The following RANBP2 variants were observed in gnomAD, a reference collection of about 807,000 sequenced individuals.
RANBP2 encodes the protein E3 SUMO-protein ligase RanBP2.
RANBP2 carries 57 observed loss-of-function variants against 303.6 expected under a neutral mutation model. That is an observed-to-expected ratio of 0.19 (90% CI 0.15 to 0.23). The LOEUF (loss-of-function observed/expected upper bound fraction) is 0.23, where lower values mean the gene tolerates loss of function less well. RANBP2 is among the 10% of genes least tolerant of loss of function. RANBP2 has a pLI of 1.00. For synonymous variants in RANBP2, 1,167 were observed against 1,301.5 expected (o/e 0.90, Z 2.23); for missense variants, 3,138 against 3,780.8 (o/e 0.83, Z 4.46).
chr2:108,854,738 C>CCT, the RANBP2 span, among the ~76,000 whole-genome samples: 2 of 152,104 alleles, frequency 1.3e-5, no homozygotes, highest in Non-Finnish European at 2.9e-5. Context: ...TCTTTCTTGG[C>CCT]CTCTCTCCAG....
the RANBP2 span, among the ~76,000 whole-genome samples, chr2:109,117,139 G>A: frequency 6.6e-6 from 1 of 152,228 alleles, no homozygotes; most frequent in Non-Finnish European, 1.5e-5. Context: ...GCTGCATGCT[G>A]GGAGAACCAC....
the RANBP2 span, among the ~76,000 whole-genome samples, chr2:109,027,976 TA>T: frequency 9.3e-4 from 141 of 152,278 alleles, no homozygotes; most frequent in African/African-American, 3.3e-3. Flanking sequence ...TGGTACTGTT[TA>T]AAAACATACT....
chr2:108,986,989 C>T, the RANBP2 span, among the ~76,000 whole-genome samples: 2 of 152,086 alleles, frequency 1.3e-5, no homozygotes, highest in African/African-American at 2.4e-5. Flanking sequence ...ATCAAAGGAA[C>T]GAGCAGGCAG....
chr2:109,606,672 CTTTTTTTTT>C, the RANBP2 span, among the ~76,000 whole-genome samples: 5 of 71,910 alleles, frequency 7.0e-5, no homozygotes, highest in African/African-American at 2.2e-4. Flanking sequence ...AAATTTTAAG[CTTTTTTTTT>C]TTTTTTTTTT....
chr2:109,294,043 C>T, the RANBP2 span, among the ~76,000 whole-genome samples: 7 of 152,310 alleles, frequency 4.6e-5, no homozygotes, highest in Non-Finnish European at 8.8e-5. Flanking sequence ...ATGGTCTTTT[C>T]TCTGCCTGGA....
the RANBP2 span, among the ~76,000 whole-genome samples, chr2:109,003,016 G>C: frequency 6.6e-6 from 1 of 151,874 alleles, no homozygotes; most frequent in Non-Finnish European, 1.5e-5. Context: ...GACCATCCTG[G>C]CCAATATGGT....
the RANBP2 span, chr2:108,815,923 T>G: frequency 1.3e-6 from 2 of 1,578,458 alleles, no homozygotes; most frequent in South Asian, 2.3e-5. Context: ...AATAAATGAT[T>G]TAATTTTTGA....
chr2:109,688,781 TAAAAAAA>T, the RANBP2 span, among the ~76,000 whole-genome samples: 7 of 43,740 alleles, frequency 1.6e-4, no homozygotes, highest in African/African-American at 3.4e-4. Context: ...TCTGTCTCAA[TAAAAAAA>T]AAAAAAAAAA....
chr2:109,454,150 T>A, the RANBP2 span, among the ~76,000 whole-genome samples: 2 of 152,250 alleles, frequency 1.3e-5, no homozygotes, highest in Non-Finnish European at 2.9e-5. Context: ...CTGCTTAATA[T>A]ACACATTCAC....
chr2:108,929,469 A>G, the RANBP2 span: 1 of 1,364,606 alleles, frequency 7.3e-7, no homozygotes, highest in Non-Finnish European at 1.0e-6. Flanking sequence ...GTGACGTGCC[A>G]GCTGTCTCCA....
the RANBP2 span, among the ~76,000 whole-genome samples, chr2:109,410,942 C>T: frequency 6.6e-6 from 1 of 152,184 alleles, no homozygotes; most frequent in African/African-American, 2.4e-5. Flanking sequence ...GGAGCTCTTT[C>T]TCTTTTCTTG....
chr2:109,401,606 A>G, the RANBP2 span, among the ~76,000 whole-genome samples: 1 of 152,206 alleles, frequency 6.6e-6, no homozygotes. Flanking sequence ...AGGAGCCCAC[A>G]GGGCCCATGA....
chr2:109,571,552 T>C, the RANBP2 span, among the ~76,000 whole-genome samples: 1 of 152,172 alleles, frequency 6.6e-6, no homozygotes, highest in African/African-American at 2.4e-5. Flanking sequence ...TCTAAACATA[T>C]CTAAACACAG....
the RANBP2 span, among the ~76,000 whole-genome samples, chr2:109,430,386 T>C: frequency 7.2e-5 from 11 of 152,188 alleles, no homozygotes; most frequent in Admixed American, 3.3e-4. Context: ...AAGTCCTCCC[T>C]GCACTCTTCC....
the RANBP2 span, among the ~76,000 whole-genome samples, chr2:109,537,574 C>T: frequency 6.6e-6 from 1 of 150,686 alleles, no homozygotes; most frequent in Non-Finnish European, 1.5e-5. Context: ...TTTTTTTTAA[C>T]GTGTTCTTGG....
the RANBP2 span, among the ~76,000 whole-genome samples, chr2:109,701,125 CCCCTTGTGCAGAGGCA>C: frequency 1.8e-4 from 28 of 152,196 alleles, no homozygotes; most frequent in African/African-American, 6.3e-4. Context: ...GAAGATCTGT[CCCCTTGTGCAGAGGCA>C]GCATGCAAGC....
chr2:109,243,153 G>A, the RANBP2 span, among the ~76,000 whole-genome samples: 1 of 152,256 alleles, frequency 6.6e-6, no homozygotes, highest in Non-Finnish European at 1.5e-5. Context: ...ATTGCCTTGT[G>A]CAGGTGTCTT....
At chr2:108,876,046 CTAAGTA>C in the RANBP2 span, 1 of 1,326,380 alleles carries the variant, frequency 7.5e-7, no homozygotes, top group Non-Finnish European at 1.1e-6. Context: ...GATAAACTCT[CTAAGTA>C]TGTGTAATTA....
chr2:109,763,541 C>T, the RANBP2 span, among the ~76,000 whole-genome samples: 1 of 150,060 alleles, frequency 6.7e-6, no homozygotes, highest in East Asian at 2.1e-4. Context: ...CCTCGATGGA[C>T]TGGAAGTTAA....
Sources: allele counts gnomAD v4.1 joint callset (sites outside exome capture counted in the v4.1 genomes callset), GRCh38; gene constraint gnomAD v4.1.1; transcripts MANE v1.5; gene names NCBI Gene and HGNC (gene_info 2026-07-23, HGNC 2026-07-21).